The following PKD1L3 variants were observed in gnomAD, a reference collection of about 807,000 sequenced individuals.
The protein encoded by PKD1L3 is polycystin 1 like 3, transient receptor potential channel interacting, also known as polycystin-1-like protein 3.
PKD1L3 carries 239 observed loss-of-function variants against 184.1 expected under a neutral mutation model. The observed-to-expected ratio is 1.30, with a 90% CI of 1.17 to 1.45. The LOEUF is 1.45. Ranked by LOEUF, PKD1L3 falls within the 40% of genes most tolerant of loss-of-function variation. The probability of loss-of-function intolerance (pLI) is 0.00; values close to 1 mark genes in which losing one functional copy is unlikely to be tolerated. For synonymous variants in PKD1L3, 996 were observed against 778.8 expected, an observed-to-expected ratio of 1.28 and a Z score of -4.64; for missense variants, 2,660 against 2,067.2, an observed-to-expected ratio of 1.29 and a Z score of -5.56.
chr16:71,981,208 G>T (rs982996441), intron 7 of PKD1L3, among the ~76,000 whole-genome samples: 10 of 152,180 alleles, frequency 6.6e-5, no homozygotes, highest in Non-Finnish European at 1.5e-5. Flanking sequence ...ACAAGTTTCT[G>T]TATGGACATG....
intron 5 of PKD1L3, among the ~76,000 whole-genome samples, chr16:71,985,634 A>C (rs2040329648): frequency 6.6e-6 from 1 of 152,104 alleles, no homozygotes; most frequent in African/African-American, 2.4e-5. Flanking sequence ...AAGGTCTCAT[A>C]AAGTTGCCTA....
intron 24 of PKD1L3, among the ~76,000 whole-genome samples, chr16:71,941,197 AAAAC>A (rs1307566499): frequency 6.6e-6 from 1 of 152,136 alleles, no homozygotes; most frequent in Non-Finnish European, 1.5e-5. Context: ...ACTGTAGATC[AAAAC>A]AAACAACAAA....
chr16:71,986,031 G>C (rs1016797624), intron 5 of PKD1L3, among the ~76,000 whole-genome samples, 190 bp downstream of exon 5: 1 of 152,214 alleles, frequency 6.6e-6, no homozygotes, highest in African/African-American at 2.4e-5. Context: ...TGTCATTAAT[G>C]AAACGTTGGG....
At chr16:71,986,146 A>T in intron 5 of PKD1L3, 75 bp downstream of exon 5, 1 of 1,497,444 alleles carries the variant, frequency 6.7e-7, no homozygotes, top group East Asian at 2.5e-5. Flanking sequence ...GTAGTTCTGC[A>T]GGGAGGCAAA....
Position 71,978,299 on chromosome 16 carries a change from T to C in PKD1L3, c.1483A>G (p.Asn495Asp), listed in dbSNP as rs1183189677. ...TCATGGACTTGGAGCAATTTACGAT[T>C]AGCGCTTAGTAACACACTTCCAATG... ...GSIGSVLLSA[N>D]RKLLQVHDLM... The change falls in exon 10 of 30, where the codon AAT (asparagine) becomes GAT (aspartate). Residue 495 changes from asparagine (N) to aspartate (D), a missense_variant. Physicochemically the swap from Asn to Asp is conservative, Grantham distance 23. Coordinates refer to ENST00000620267, the MANE Select transcript of PKD1L3 (RefSeq NM_181536.2). 6.4e-7 allele frequency: 1 copy of C among 1,550,740 alleles called. No homozygotes were observed. Among genetic ancestry groups the C allele is most frequent in the East Asian group, 2.4e-5 (1 of 40,848 alleles).
chr16:71,991,434 C>T (rs76545108), intron 3 of PKD1L3: 5,323 of 154,678 alleles, frequency 0.034, 281 homozygotes, highest in African/African-American at 0.12. Context: ...GAAAAATAAA[C>T]GATATCAAAG....
At chr16:71,960,963 A>C (rs1047155340) in intron 16 of PKD1L3, among the ~76,000 whole-genome samples, 3 of 152,156 alleles carry the variant, frequency 2.0e-5, no homozygotes, top group Non-Finnish European at 4.4e-5. Context: ...CTACCCCTTA[A>C]GTTTTGGTGA....
intron 16 of PKD1L3, among the ~76,000 whole-genome samples, chr16:71,957,984 G>C (rs2039111692): frequency 6.6e-6 from 1 of 152,190 alleles, no homozygotes; most frequent in Non-Finnish European, 1.5e-5. Context: ...TTCTGCTTAG[G>C]AACTGCTCCA....
intron 16 of PKD1L3, among the ~76,000 whole-genome samples, chr16:71,958,172 G>T (rs1031854250): frequency 6.6e-6 from 1 of 151,026 alleles, no homozygotes; most frequent in African/African-American, 2.4e-5. Flanking sequence ...CGGATCACGA[G>T]GTCAGGAGAT....
chr16:71,988,504 G>T (rs1380579000), intron 4 of PKD1L3, among the ~76,000 whole-genome samples: 1 of 152,188 alleles, frequency 6.6e-6, no homozygotes, highest in Non-Finnish European at 1.5e-5. Context: ...CAGCAAACGT[G>T]AAAGTTCAGA....
At chr16:71,981,169 T>A (rs1012992294) in intron 7 of PKD1L3, among the ~76,000 whole-genome samples, 1 of 152,218 alleles carries the variant, frequency 6.6e-6, no homozygotes, top group African/African-American at 2.4e-5. Context: ...TATTTAGCTA[T>A]TAAACCATGC....
At chr16:71,997,532 T>C (rs1312801879) in intron 2 of PKD1L3, among the ~76,000 whole-genome samples, 1 of 152,034 alleles carries the variant, frequency 6.6e-6, no homozygotes, top group Non-Finnish European at 1.5e-5. Context: ...GCGGATCATC[T>C]GAGGTTGGGA....
chr16:71,985,273 C>T (rs1356493314), intron 5 of PKD1L3, among the ~76,000 whole-genome samples: 1 of 152,062 alleles, frequency 6.6e-6, no homozygotes, highest in Non-Finnish European at 1.5e-5. Flanking sequence ...ACTGAATTTC[C>T]ATTACCATTG....
In PKD1L3 at chr16:71,954,328, T is replaced by C. The variant is rs1028795107; in HGVS notation, c.2613-27A>G. 5.5e-6 allele frequency: 8 copies of C among 1,466,152 alleles called. No individual in the cohort carries two copies. In the African/African-American group the frequency reaches 9.9e-5, roughly 18 times the overall value. The allele number at this position is 1,466,152 out of a possible 1,614,324, so 90.8% of individuals were successfully genotyped here. On this transcript the variant is annotated intron_variant, in intron 16 of 29. Transcript: ENST00000620267. ...TGAAAAGAGAAATCAGAAGAGGAAA[T>C]ACATGAGATTTTATTCTGAAAGTGC...
Position 71,982,232 on chromosome 16 carries a change from T to C in PKD1L3, c.970A>G (p.Asn324Asp). 1 of 1,511,552 alleles carries C rather than the reference T, an allele frequency of 6.6e-7. No individual in the cohort carries two copies. The highest frequency in any genetic ancestry group is 1.3e-5 in the South Asian group (1 of 79,420). 93.6% of individuals were successfully genotyped at this position (1,511,552 alleles called of 1,614,324 possible). ...TPRFSKPAQVNLINSLIYLSE... is the reference protein window; with the variant it reads ...TPRFSKPAQVDLINSLIYLSE... ...AGGTAAATAAGGGAATTGATGAGAT[T>C]AACCTGGGAGGATTAGAAAGCAAAC... The change falls in exon 7 of 30, where the codon AAT becomes GAT. Residue 324 changes from asparagine (N) to aspartate (D), a missense_variant. Transcript: ENST00000620267.
At position 71,950,586 on chromosome 16, in the gene PKD1L3, T is replaced by G. The variant is rs200167389; in HGVS notation, c.3191-276A>C. 7.9e-5 allele frequency among the ~76,000 whole-genome samples: 12 copies of G among 152,244 alleles called. No individual in the cohort carries two copies. In the East Asian group the frequency reaches 2.1e-3, roughly 27 times the overall value. On this transcript the variant is annotated intron_variant, in intron 19 of 29. Coordinates refer to ENST00000620267, the MANE Select transcript of PKD1L3 (RefSeq NM_181536.2). ...AGTACATGTGACCTATACTAGTAAG[T>G]GCCCAGGAGACTCAAACAGTATTTG...
chr16:71,998,789 T>C (rs765238953), intron 1 of PKD1L3, among the ~76,000 whole-genome samples: 13 of 152,138 alleles, frequency 8.5e-5, no homozygotes, highest in South Asian at 2.1e-4. Context: ...AAAGCCAAAT[T>C]TGACTGACTT....
At chr16:71,988,814 G>C (rs1463809862) in intron 4 of PKD1L3, among the ~76,000 whole-genome samples, 1 of 152,212 alleles carries the variant, frequency 6.6e-6, no homozygotes, top group African/African-American at 2.4e-5. Context: ...AGCAGTTAGA[G>C]TCCATCTCTC....
chr16:71,934,252 A>G, intron 26 of PKD1L3, 127 bp from the exon 27 acceptor site: 2 of 815,482 alleles, frequency 2.5e-6, no homozygotes, highest in Non-Finnish European at 3.9e-6. Context: ...TTGATGTGAG[A>G]ACTGCTTTCT....
Sources: gnomAD v4.1 joint callset for allele counts (sites outside exome capture counted in the v4.1 genomes callset) on GRCh38, gnomAD v4.1.1 for gene constraint, MANE v1.5 for transcripts, NCBI Gene and HGNC (gene_info 2026-07-23, HGNC 2026-07-21) for gene names.